Variants in RAD51B observed in about 807,000 individuals in gnomAD.
RAD51B encodes the protein RAD51 paralog B.
A neutral mutation model predicts 42.2 loss-of-function variants in RAD51B; 38 were observed. The observed-to-expected ratio is 0.90, with a 90% confidence interval of 0.70 to 1.18. The LOEUF (loss-of-function observed/expected upper bound fraction) is 1.18. RAD51B is among the 50% of genes most tolerant of loss of function. The pLI, the probability that RAD51B is intolerant of heterozygous loss-of-function variation, is 0.00. For missense variants in RAD51B, 373 were observed against 400.7 expected (o/e 0.93, Z 0.59); for synonymous variants, 154 against 145.2 (o/e 1.06, Z -0.43).
chr14:68,348,865 C>CTG (rs1412761181), intron 8 of RAD51B, among the ~76,000 whole-genome samples: 4 of 152,234 alleles, frequency 2.6e-5, no homozygotes, highest in Admixed American at 6.5e-5. Flanking sequence ...TGCCACTGCA[C>CTG]TCCAGCCTGG....
intron 8 of RAD51B, among the ~76,000 whole-genome samples, chr14:68,326,891 G>A (rs748568182): frequency 1.2e-4 from 18 of 152,198 alleles, no homozygotes; most frequent in Non-Finnish European, 2.5e-4. Context: ...AGAGGGGGCT[G>A]TGTGGAAAAG....
At chr14:68,218,236 T>C (rs2079853988) in intron 7 of RAD51B, among the ~76,000 whole-genome samples, 1 of 152,238 alleles carries the variant, frequency 6.6e-6, no homozygotes, top group Non-Finnish European at 1.5e-5. Context: ...ACCTGTTCTG[T>C]TCTGACTTGT....
chr14:68,595,116 A>C, exon 11 of RAD51B: 2 of 1,066,972 alleles, frequency 1.9e-6, no homozygotes, highest in Non-Finnish European at 2.3e-6. Context: ...ATTTTGGTAA[A>C]TGCCTCAGCA....
At position 67,835,024 on chromosome 14, in the gene RAD51B, T is replaced by G. The variant is rs950576204; in HGVS notation, c.199-56T>G. ...AAAATTTAGAGAATTAAAGTTGGTT[T>G]ATGTTTTTGAATATATATAGAGGTT... On this transcript the variant is annotated intron_variant, in intron 3 of 10. Coordinates refer to ENST00000471583, the MANE Select transcript of RAD51B (RefSeq NM_133510.4). 7.8e-5 allele frequency: 104 copies of G among 1,328,750 alleles called. 1 individual carries two copies. Among genetic ancestry groups the G allele is most frequent in the Non-Finnish European group, 1.0e-4 (97 of 934,736 alleles). The allele number at this position is 1,328,750 out of a possible 1,614,324, so 82.3% of individuals were successfully genotyped here.
At chr14:68,562,355 G>A in intron 10 of RAD51B, 2 of 985,416 alleles carry the variant, frequency 2.0e-6, no homozygotes, top group South Asian at 4.7e-5. Flanking sequence ...GGGAGTTTAA[G>A]GTGGGAACCA....
intron 9 of RAD51B, among the ~76,000 whole-genome samples, chr14:68,415,827 T>G (rs2084543275): frequency 6.6e-6 from 1 of 152,210 alleles, no homozygotes; most frequent in South Asian, 2.1e-4. Context: ...AAGTCTGGTC[T>G]TACAAACTAC....
At chr14:68,125,470 C>G (rs138263874) in intron 7 of RAD51B, 1 of 152,294 alleles carries the variant, frequency 6.6e-6, no homozygotes, top group African/African-American at 2.4e-5. Context: ...TCTCAGTGCC[C>G]TGTGTTCATC....
At chr14:68,533,078 AATG>A (rs1454115974) in intron 10 of RAD51B, among the ~76,000 whole-genome samples, 2 of 152,208 alleles carry the variant, frequency 1.3e-5, no homozygotes, top group Non-Finnish European at 2.9e-5. Flanking sequence ...AAGAAAGAGA[AATG>A]AGGTATAAGA....
intron 7 of RAD51B, among the ~76,000 whole-genome samples, chr14:67,914,140 G>A (rs772893186): frequency 7.0e-4 from 107 of 152,050 alleles, no homozygotes; most frequent in Non-Finnish European, 3.1e-4. Context: ...ATACCACCAC[G>A]CTTGGCTAAT....
intron 8 of RAD51B, among the ~76,000 whole-genome samples, chr14:68,385,501 A>G (rs942510669): frequency 5.3e-5 from 8 of 152,134 alleles, no homozygotes; most frequent in African/African-American, 1.9e-4. Context: ...AAGAGCCCAT[A>G]TGGCAGCTAA....
intron 8 of RAD51B, among the ~76,000 whole-genome samples, chr14:68,374,253 A>C (rs2083320245): frequency 6.6e-6 from 1 of 152,164 alleles, no homozygotes; most frequent in South Asian, 2.1e-4. Flanking sequence ...GGCACATAAT[A>C]GGTGCTCAGA....
At chr14:68,447,581 T>C (rs10145082) in intron 9 of RAD51B, among the ~76,000 whole-genome samples, 6,651 of 152,002 alleles carry the variant, frequency 0.044, 464 homozygotes, top group African/African-American at 0.15. Flanking sequence ...TTAAAAAATA[T>C]TAACTAAAAA....
intron 7 of RAD51B, among the ~76,000 whole-genome samples, chr14:67,944,939 AT>A (rs2045338954): frequency 1.3e-5 from 2 of 152,134 alleles, no homozygotes; most frequent in Admixed American, 1.3e-4. Flanking sequence ...AATCATTGTG[AT>A]TGTTGGATAA....
chr14:68,278,659 CATTT>C (rs1390818739), intron 7 of RAD51B, among the ~76,000 whole-genome samples: 4 of 152,172 alleles, frequency 2.6e-5, no homozygotes, highest in African/African-American at 9.7e-5. Flanking sequence ...GAGCCAGTTA[CATTT>C]GTTTGTTTGT....
At chr14:68,669,216 C>T (rs533971289) in intron 11 of RAD51B, among the ~76,000 whole-genome samples, 1 of 152,338 alleles carries the variant, frequency 6.6e-6, no homozygotes, top group South Asian at 2.1e-4. Context: ...GCTGATTTCA[C>T]TATTTATAAT....
chr14:68,438,588 C>G (rs2085204039), intron 9 of RAD51B, among the ~76,000 whole-genome samples: 1 of 152,128 alleles, frequency 6.6e-6, no homozygotes, highest in African/African-American at 2.4e-5. Flanking sequence ...TGCACAGAAT[C>G]TTTAGTCAAC....
chr14:68,597,950 C>G (rs1891070883), downstream of RAD51B, among the ~76,000 whole-genome samples: 1 of 151,738 alleles, frequency 6.6e-6, no homozygotes, highest in Non-Finnish European at 1.5e-5. Context: ...GGCACAAACC[C>G]AACAGAGTAA....
intron 10 of RAD51B, among the ~76,000 whole-genome samples, chr14:68,495,531 C>T (rs1190252168): frequency 1.3e-5 from 2 of 152,102 alleles, no homozygotes; most frequent in Admixed American, 6.5e-5. Context: ...GATGCTCTAG[C>T]GGAGGAAGCA....
rs549521244 is a variant in RAD51B, at chr14:68,677,339, C to T, written c.*11+26483C>T. 7.2e-5 allele frequency among the ~76,000 whole-genome samples: 11 copies of T among 152,300 alleles called. No individual in the cohort carries two copies. In the South Asian group the frequency reaches 2.1e-3, roughly 29 times the overall value. On this transcript the variant is annotated intron_variant, in intron 11 of 11. Transcript: ENST00000488612. ...GCTTGGAGGCGGGAGAGATTCCTTG[C>T]GCACCCTGCTATTGCACTGCTGCTC...
Sources: allele counts gnomAD v4.1 joint callset (sites outside exome capture counted in the v4.1 genomes callset), GRCh38; gene constraint gnomAD v4.1.1; transcripts MANE v1.5; gene names NCBI Gene and HGNC (gene_info 2026-07-23, HGNC 2026-07-21).